The following FTO variants were observed in gnomAD, a reference collection of about 807,000 sequenced individuals.
The protein encoded by FTO is alpha-ketoglutarate-dependent dioxygenase FTO.
In FTO, 47 loss-of-function variants were observed where a neutral mutation model predicts 63.9. That is an observed-to-expected ratio of 0.74 (90% CI 0.58 to 0.94). The LOEUF (loss-of-function observed/expected upper bound fraction) is 0.94. FTO is among the 40% of genes least tolerant of loss of function. The pLI is 0.00. For synonymous variants in FTO, 207 were observed against 224.4 expected (o/e 0.92, Z 0.69); for missense variants, 562 against 618.1 (o/e 0.91, Z 0.96).
chr16:53,851,871 C>G (rs998991719), intron 4 of FTO, among the ~76,000 whole-genome samples: 5 of 151,918 alleles, frequency 3.3e-5, no homozygotes, highest in African/African-American at 9.7e-5. Context: ...CCACCTATCC[C>G]CAAGTTCCAT....
intron 8 of FTO, among the ~76,000 whole-genome samples, chr16:54,101,374 A>G (rs1395070098): frequency 6.6e-6 from 1 of 152,154 alleles, no homozygotes; most frequent in East Asian, 1.9e-4. Flanking sequence ...AAGTGAGAAC[A>G]TGCAGGATTT....
chr16:54,082,683 C>T (rs963252127), intron 8 of FTO, among the ~76,000 whole-genome samples: 1 of 152,112 alleles, frequency 6.6e-6, no homozygotes, highest in Non-Finnish European at 1.5e-5. Context: ...TTTTAAGAAT[C>T]CTTAAAGTCA....
chr16:53,945,870 G>A (rs2082640532), intron 8 of FTO, among the ~76,000 whole-genome samples: 1 of 152,182 alleles, frequency 6.6e-6, no homozygotes, highest in Admixed American at 6.5e-5. Flanking sequence ...CCCTTAAGGT[G>A]AAAGGGTAGC....
intron 1 of FTO, among the ~76,000 whole-genome samples, chr16:53,785,869 C>T (rs1023519216): frequency 1.3e-5 from 2 of 150,228 alleles, no homozygotes; most frequent in African/African-American, 2.5e-5. Flanking sequence ...GAGATTCCGC[C>T]GCTGCACTCC....
intron 4 of FTO, among the ~76,000 whole-genome samples, chr16:53,870,280 G>T (rs28569319): frequency 0.082 from 12,511 of 152,186 alleles, 892 homozygotes; most frequent in African/African-American, 0.19. Flanking sequence ...AGCATGAGAA[G>T]ATGTTTTTGG....
intron 8 of FTO, among the ~76,000 whole-genome samples, chr16:53,996,784 G>A (rs1414172662): frequency 6.6e-6 from 1 of 151,968 alleles, no homozygotes; most frequent in Admixed American, 6.6e-5. Flanking sequence ...GAGAAGTGTC[G>A]AGCAAAAGGG....
chr16:53,854,526 T>G (rs2079918833), intron 4 of FTO, among the ~76,000 whole-genome samples: 1 of 152,188 alleles, frequency 6.6e-6, no homozygotes, highest in Admixed American at 6.5e-5. Context: ...TATCCAATGT[T>G]CCCGCACTGT....
intron 8 of FTO, among the ~76,000 whole-genome samples, chr16:54,105,546 A>G (rs2086732483): frequency 6.6e-6 from 1 of 152,182 alleles, no homozygotes. Context: ...CAAACTGGGG[A>G]TCCAAATACC....
At position 53,883,754 on chromosome 16, in the gene FTO, A is replaced by T. The variant is rs148162196; in HGVS notation, c.1119+3767A>T. Among the ~76,000 whole-genome samples, 937 of 152,156 alleles carry T rather than the reference A, an allele frequency of 6.2e-3. 13 individuals carry two copies. The highest frequency in any genetic ancestry group is 0.021 in the African/African-American group (875 of 41,492). On this transcript the variant is annotated intron_variant, in intron 6 of 8. Transcript: ENST00000471389. ...AGAAACCTCGGCCCCCTGGGGTTGA[A>T]TAGAGAGATTGATCTTGAATTTAAA... is the stretch of plus-strand genomic sequence containing the variant.
At chr16:54,057,435 C>T in intron 8 of FTO, among the ~76,000 whole-genome samples, 1 of 152,176 alleles carries the variant, frequency 6.6e-6, no homozygotes, top group East Asian at 1.9e-4. Context: ...ACCCTATTAC[C>T]TATGGATGTC....
intron 8 of FTO, among the ~76,000 whole-genome samples, chr16:53,988,788 G>A (rs1470554799): frequency 1.3e-5 from 2 of 152,052 alleles, no homozygotes; most frequent in African/African-American, 4.8e-5. Flanking sequence ...CCAAGACATA[G>A]GTTTGAACCC....
At chr16:53,960,662 A>G (rs539048983) in intron 8 of FTO, among the ~76,000 whole-genome samples, 34 of 151,464 alleles carry the variant, frequency 2.2e-4, no homozygotes, top group Admixed American at 3.3e-4. Context: ...GACATTGAAT[A>G]TGAGTGACAG....
At position 53,863,208 on chromosome 16, in the gene FTO, G is replaced by A. The variant is rs114362866; in HGVS notation, c.896-10578G>A. ...AATTTTCTAAAATTTTATCATGTCAGTTCGAGTAAACTTTTTTCAGAAAAG... is the reference window on the plus strand; with the variant it reads ...AATTTTCTAAAATTTTATCATGTCAATTCGAGTAAACTTTTTTCAGAAAAG... On this transcript the variant is annotated intron_variant, in intron 4 of 8. Transcript: ENST00000471389. Among the ~76,000 whole-genome samples the A allele has an allele frequency of 4.2e-3, 645 of 152,304 alleles. 6 individuals carry two copies. Among genetic ancestry groups the A allele is most frequent in the African/African-American group, 0.015 (620 of 41,566 alleles).
At chr16:54,076,290 A>G (rs551901757) in intron 8 of FTO, among the ~76,000 whole-genome samples, 61 of 152,348 alleles carry the variant, frequency 4.0e-4, no homozygotes, top group African/African-American at 1.4e-3. Context: ...GCAAAGCCAG[A>G]GCTTTATGCC....
chr16:53,895,047 A>G (rs890594364), intron 7 of FTO, among the ~76,000 whole-genome samples: 2 of 152,156 alleles, frequency 1.3e-5, no homozygotes, highest in Non-Finnish European at 2.9e-5. Context: ...TGGTTATCTT[A>G]AAGGTGTTCA....
chr16:54,028,612 C>G (rs1349013888), intron 8 of FTO, among the ~76,000 whole-genome samples: 1 of 152,110 alleles, frequency 6.6e-6, no homozygotes, highest in Non-Finnish European at 1.5e-5. Flanking sequence ...CCCATTTTAC[C>G]AAGTTGTACA....
rs555319581 is a variant in FTO, at chr16:53,825,943, C to G, written c.203C>G (p.Ala68Gly). Reference sequence around the variant, plus strand: ...GAGCTCCATAAAGAGGTTCAAGAAGCCTTTCTCACACTGCACAAGCATGGC... The same window carrying G: ...GAGCTCCATAAAGAGGTTCAAGAAGGCTTTCTCACACTGCACAAGCATGGC... ...SEELHKEVQE[A>G]FLTLHKHGCL... Residue 68 changes from alanine (A) to glycine (G), a missense_variant, in exon 3 of 9, where the codon GCC (alanine) becomes GGC (glycine). Physicochemically the swap from Ala to Gly is moderately conservative, Grantham distance 60. Transcript: ENST00000471389. The G allele has an allele frequency of 1.8e-5, 29 of 1,614,024 alleles. No individual in the cohort carries two copies. The highest frequency in any genetic ancestry group is 6.6e-5 in the South Asian group (6 of 91,076).
intron 8 of FTO, among the ~76,000 whole-genome samples, chr16:54,034,834 C>G (rs561829100): frequency 6.6e-6 from 1 of 152,156 alleles, no homozygotes; most frequent in Non-Finnish European, 1.5e-5. Context: ...TAAAGCTGGT[C>G]TCTGTAACTA....
intron 3 of FTO, among the ~76,000 whole-genome samples, chr16:53,828,365 G>A (rs930335868): frequency 1.3e-5 from 2 of 152,020 alleles, no homozygotes; most frequent in Non-Finnish European, 2.9e-5. Flanking sequence ...GGCTACAGGC[G>A]CCCGCCACCA....
Sources: allele counts gnomAD v4.1 joint callset (sites outside exome capture counted in the v4.1 genomes callset), GRCh38; gene constraint gnomAD v4.1.1; transcripts MANE v1.5; gene names NCBI Gene and HGNC (gene_info 2026-07-23, HGNC 2026-07-21).